DRC10: variants seen among roughly 807,000 people sequenced by gnomAD.
The protein encoded by DRC10 is dynein regulatory complex subunit 10.
chr12:113,209,821 A>C, the DRC10 span, among the ~76,000 whole-genome samples: 1 of 152,250 alleles, frequency 6.6e-6, no homozygotes, highest in African/African-American at 2.4e-5. Context: ...CAAAGTAAAA[A>C]GTTTAGTTAA....
At chr12:113,207,905 T>A in the DRC10 span, 2 of 1,614,090 alleles carry the variant, frequency 1.2e-6, no homozygotes, top group African/African-American at 2.7e-5. Flanking sequence ...ACTGCCCTCA[T>A]GACGTCCTCC....
the DRC10 span, chr12:113,208,505 G>C: frequency 0.072 from 21,777 of 303,002 alleles, 896 homozygotes; most frequent in African/African-American, 0.088. Flanking sequence ...CATACAGACA[G>C]CATTCTAAGG....
the DRC10 span, among the ~76,000 whole-genome samples, chr12:113,199,365 T>C: frequency 6.6e-6 from 1 of 152,026 alleles, no homozygotes; most frequent in South Asian, 2.1e-4. Flanking sequence ...CACTGCACTC[T>C]GGCATGGGTG....
the DRC10 span, among the ~76,000 whole-genome samples, chr12:113,212,777 C>T: frequency 6.6e-6 from 1 of 152,144 alleles, no homozygotes; most frequent in East Asian, 1.9e-4. Context: ...ATCTCTTTTC[C>T]TTGAATCCTA....
the DRC10 span, among the ~76,000 whole-genome samples, chr12:113,218,384 T>A: frequency 1.5e-3 from 229 of 152,264 alleles, 2 homozygotes; most frequent in African/African-American, 5.3e-3. Context: ...CCTCAGGTGA[T>A]CTGCCTGCCT....
chr12:113,195,753 A>G, the DRC10 span: 8 of 1,613,744 alleles, frequency 5.0e-6, no homozygotes, highest in Admixed American at 1.7e-5. Flanking sequence ...CTCTGCCTCC[A>G]TCCTTTTCTT....
At chr12:113,197,898 G>A in the DRC10 span, among the ~76,000 whole-genome samples, 4 of 152,204 alleles carry the variant, frequency 2.6e-5, no homozygotes, top group Non-Finnish European at 4.4e-5. Context: ...AGGCCCTGAG[G>A]TAGGAACAAG....
At chr12:113,203,089 G>T in the DRC10 span, 3 of 448,074 alleles carry the variant, frequency 6.7e-6, no homozygotes, top group African/African-American at 2.0e-5. Flanking sequence ...ACAGTGGTGC[G>T]ATCTCAGCTC....
chr12:113,199,023 C>T, the DRC10 span, among the ~76,000 whole-genome samples: 4 of 151,558 alleles, frequency 2.6e-5, no homozygotes, highest in African/African-American at 9.7e-5. Flanking sequence ...CCGCAACCCC[C>T]GCCTCCTGAG....
chr12:113,208,266 A>G, the DRC10 span: 1 of 1,479,722 alleles, frequency 6.8e-7, no homozygotes. Context: ...CATCCTGCAA[A>G]ATGAAGAAGT....
At chr12:113,207,065 A>C in the DRC10 span, 1 of 355,068 alleles carries the variant, frequency 2.8e-6, no homozygotes, top group South Asian at 2.2e-5. Flanking sequence ...GTCTCAAAAA[A>C]ATCAGTCAAT....
At chr12:113,199,722 G>GT in the DRC10 span, among the ~76,000 whole-genome samples, 3,058 of 147,226 alleles carry the variant, frequency 0.021, 182 homozygotes, top group Admixed American at 0.12. Flanking sequence ...AAGGTTTTGG[G>GT]TTTTTTTTTT....
chr12:113,219,982 AT>A, the DRC10 span, among the ~76,000 whole-genome samples: 1 of 151,972 alleles, frequency 6.6e-6, no homozygotes, highest in Admixed American at 6.6e-5. Flanking sequence ...TAATTTTTGT[AT>A]TTTTAGTAGA....
chr12:113,201,355 C>G, the DRC10 span, among the ~76,000 whole-genome samples: 1 of 152,210 alleles, frequency 6.6e-6, no homozygotes, highest in Non-Finnish European at 1.5e-5. Context: ...GAACTGGGGC[C>G]TGAAGCCAGG....
chr12:113,203,473 T>A, the DRC10 span, among the ~76,000 whole-genome samples: 1 of 133,302 alleles, frequency 7.5e-6, no homozygotes, highest in African/African-American at 2.8e-5. Flanking sequence ...CCCCACCCCT[T>A]CCCTTCCCTT....
At chr12:113,195,679 C>T in the DRC10 span, 7 of 1,613,504 alleles carry the variant, frequency 4.3e-6, no homozygotes, top group African/African-American at 1.3e-5. Flanking sequence ...AGGGAGCGCA[C>T]CAGATAGCCC....
At chr12:113,208,528 A>T in the DRC10 span, 1 of 238,536 alleles carries the variant, frequency 4.2e-6, no homozygotes, top group Non-Finnish European at 7.9e-6. Flanking sequence ...TTAAAACCAG[A>T]GACTGGTTAC....
chr12:113,197,681 G>A, the DRC10 span: 4 of 958,220 alleles, frequency 4.2e-6, no homozygotes, highest in Middle Eastern at 2.1e-4. Context: ...AGCACTCTCT[G>A]CATCACTAGG....
chr12:113,216,609 G>A, the DRC10 span, among the ~76,000 whole-genome samples: 13 of 152,126 alleles, frequency 8.5e-5, no homozygotes, highest in Non-Finnish European at 1.3e-4. Context: ...GGAGGTTGAC[G>A]GTGGGGCAGG....
Sources: allele counts gnomAD v4.1 joint callset (sites outside exome capture counted in the v4.1 genomes callset), GRCh38; gene constraint gnomAD v4.1.1; transcripts MANE v1.5; gene names NCBI Gene and HGNC (gene_info 2026-07-23, HGNC 2026-07-21).